The following CA10 variants were observed in gnomAD, a reference collection of about 807,000 sequenced individuals.
CA10 encodes the protein carbonic anhydrase 10 (inactive), also known as carbonic anhydrase-related protein 10.
A neutral mutation model predicts 44.2 loss-of-function variants in CA10; 14 were observed. The observed-to-expected ratio is 0.32, with a 90% CI of 0.21 to 0.50. CA10 has a LOEUF of 0.50. Ranked by LOEUF, CA10 falls within the 20% of genes least tolerant of loss-of-function variation. The pLI is 0.99. For synonymous variants in CA10, 159 were observed against 141.6 expected, an observed-to-expected ratio of 1.12 and a Z score of -0.87; for missense variants, 350 against 409.7, an observed-to-expected ratio of 0.85 and a Z score of 1.26.
intron 2 of CA10, among the ~76,000 whole-genome samples, chr17:52,046,383 A>T (rs1986913123): frequency 6.6e-6 from 1 of 151,732 alleles, no homozygotes; most frequent in Admixed American, 6.6e-5. Flanking sequence ...GGAAGGAAGG[A>T]ATTTATCACT....
intron 3 of CA10, among the ~76,000 whole-genome samples, chr17:51,786,204 C>A (rs1906269354): frequency 9.1e-6 from 1 of 110,044 alleles, no homozygotes; most frequent in South Asian, 3.7e-4. Context: ...GTTCTAACAT[C>A]TTTGTGTGTC....
At chr17:52,087,317 T>C (rs751060919) in intron 1 of CA10, among the ~76,000 whole-genome samples, 4 of 152,180 alleles carry the variant, frequency 2.6e-5, no homozygotes, top group Non-Finnish European at 5.9e-5. Flanking sequence ...ATTTTTCATA[T>C]TTTTAGTAGA....
At chr17:51,899,978 C>T (rs1981240966) in intron 3 of CA10, among the ~76,000 whole-genome samples, 1 of 150,254 alleles carries the variant, frequency 6.7e-6, no homozygotes, top group South Asian at 2.1e-4. Context: ...TTGGGTTTTA[C>T]TTCTTTATCC....
At chr17:52,151,892 T>C in intron 1 of CA10, among the ~76,000 whole-genome samples, 1 of 152,144 alleles carries the variant, frequency 6.6e-6, no homozygotes, top group Admixed American at 6.5e-5. Context: ...TTCACACGTC[T>C]GCCTATCTGG....
chr17:51,802,518 C>G (rs1420828557), intron 3 of CA10, among the ~76,000 whole-genome samples: 1 of 132,786 alleles, frequency 7.5e-6, no homozygotes, highest in Non-Finnish European at 1.5e-5. Flanking sequence ...CAGACCGAGT[C>G]TAATGTACTC....
intron 2 of CA10, among the ~76,000 whole-genome samples, chr17:52,006,596 A>T (rs1232337422): frequency 6.6e-6 from 1 of 151,726 alleles, no homozygotes; most frequent in African/African-American, 2.4e-5. Context: ...GTATATTTTT[A>T]TCACCTATCT....
chr17:51,659,047 G>T (rs1284784414), intron 4 of CA10, among the ~76,000 whole-genome samples: 1 of 152,118 alleles, frequency 6.6e-6, no homozygotes, highest in Non-Finnish European at 1.5e-5. Context: ...CTGGGCAAAG[G>T]GATGCCCAGA....
chr17:51,717,677 G>GCACA (rs1316043250), intron 4 of CA10, among the ~76,000 whole-genome samples: 1,856 of 41,876 alleles, frequency 0.044, 363 homozygotes, highest in Non-Finnish European at 0.062. Flanking sequence ...ATGTATATAT[G>GCACA]TATATATGTA....
At chr17:51,971,546 AATT>A (rs1291442123) in intron 2 of CA10, among the ~76,000 whole-genome samples, 1 of 152,094 alleles carries the variant, frequency 6.6e-6, no homozygotes, top group African/African-American at 2.4e-5. Context: ...CACTATAGAA[AATT>A]ATTACTTGCT....
At chr17:51,814,306 C>T (rs927141197) in intron 3 of CA10, among the ~76,000 whole-genome samples, 4 of 152,210 alleles carry the variant, frequency 2.6e-5, no homozygotes, top group African/African-American at 9.7e-5. Flanking sequence ...CTTCTTCCAA[C>T]AGCTCTGGAA....
chr17:52,035,367 T>TCAGGTCCCCTTCC (rs1345064825), intron 2 of CA10, among the ~76,000 whole-genome samples: 1 of 152,198 alleles, frequency 6.6e-6, no homozygotes, highest in Non-Finnish European at 1.5e-5. Context: ...CGTCCCCTTT[T>TCAGGTCCCCTTCC]CAGCTCCCCT....
At chr17:51,813,544 G>A (rs571045282) in intron 3 of CA10, among the ~76,000 whole-genome samples, 3 of 152,162 alleles carry the variant, frequency 2.0e-5, no homozygotes, top group Non-Finnish European at 4.4e-5. Context: ...TGACCCTAAG[G>A]TCAGTGTTAT....
chr17:51,806,256 G>T (rs775222213), intron 3 of CA10, among the ~76,000 whole-genome samples: 1 of 152,174 alleles, frequency 6.6e-6, no homozygotes, highest in Non-Finnish European at 1.5e-5. Flanking sequence ...AAGCAGGAAG[G>T]TCAGTTAGAA....
intron 1 of CA10, among the ~76,000 whole-genome samples, chr17:52,123,121 C>T (rs1989046620): frequency 6.6e-6 from 1 of 152,110 alleles, no homozygotes; most frequent in South Asian, 2.1e-4. Context: ...AGATACTTGA[C>T]CTGCAACTCA....
chr17:52,062,108 C>G (rs1346620456), intron 2 of CA10, among the ~76,000 whole-genome samples: 1 of 117,428 alleles, frequency 8.5e-6, no homozygotes. Flanking sequence ...TGCTTTGTTG[C>G]TCAGGCTGGA....
chr17:51,887,825 C>T (rs1980677392), intron 3 of CA10, among the ~76,000 whole-genome samples: 1 of 149,904 alleles, frequency 6.7e-6, no homozygotes, highest in African/African-American at 2.5e-5. Context: ...CCCCTAAACC[C>T]CTTCTCTACT....
rs182008980 is a variant in CA10, at chr17:51,721,554, C to T, written c.465+26079G>A. On this transcript the variant is annotated intron_variant, in intron 4 of 8. Coordinates refer to ENST00000451037, the MANE Select transcript of CA10 (RefSeq NM_020178.5). ...TTTCACTTGCTGGCCAGGCTATTCT[C>T]GAACTCCTGAGCTCAAGTGATCTGC... 1.4e-3 allele frequency among the ~76,000 whole-genome samples: 214 copies of T among 151,894 alleles called. 1 individual carries two copies. The highest frequency in any genetic ancestry group is 4.6e-3 in the African/African-American group (192 of 41,438).
At position 51,915,750 on chromosome 17, in the gene CA10, G is replaced by A. The variant is rs558027652; in HGVS notation, c.279+15240C>T. 5.9e-5 allele frequency among the ~76,000 whole-genome samples: 9 copies of A among 151,948 alleles called. No homozygotes were observed. In the East Asian group the frequency reaches 1.4e-3, roughly 23 times the overall value. On this transcript the variant is annotated intron_variant, in intron 3 of 8. Coordinates refer to ENST00000451037, the MANE Select transcript of CA10 (RefSeq NM_020178.5). Reference sequence around the variant, plus strand: ...TGTCTTATTGCTATTCATTCCTCCCGGGCCGTTTTTAGCAGTTCATTTTTT... The same window carrying A: ...TGTCTTATTGCTATTCATTCCTCCCAGGCCGTTTTTAGCAGTTCATTTTTT...
intron 3 of CA10, among the ~76,000 whole-genome samples, chr17:51,819,882 C>G (rs916076844): frequency 1.3e-5 from 2 of 152,160 alleles, no homozygotes; most frequent in Admixed American, 6.5e-5. Context: ...CTGTCTTTCT[C>G]TCCCTCTGTT....
Sources: allele counts gnomAD v4.1 joint callset (sites outside exome capture counted in the v4.1 genomes callset), GRCh38; gene constraint gnomAD v4.1.1; transcripts MANE v1.5; gene names NCBI Gene and HGNC (gene_info 2026-07-23, HGNC 2026-07-21).